Variants in KCNN3 observed in about 807,000 individuals in gnomAD.
KCNN3 encodes the protein small conductance calcium-activated potassium channel protein 3.
A neutral mutation model predicts 62.9 loss-of-function variants in KCNN3; 16 were observed. The ratio of observed to expected loss-of-function variants is 0.25; its 90% CI spans 0.17 to 0.39. The LOEUF (loss-of-function observed/expected upper bound fraction) is 0.39, where lower values mean the gene tolerates loss of function less well. Among genes scored for constraint, KCNN3 ranks in the 10% least tolerant of loss-of-function variants. The pLI, the probability that KCNN3 is intolerant of heterozygous loss-of-function variation, is 1.00. For synonymous variants in KCNN3, 370 were observed against 389.2 expected, an observed-to-expected ratio of 0.95 and a Z score of 0.58; for missense variants, 599 against 949.4, an observed-to-expected ratio of 0.63 and a Z score of 4.85.
Position 154,826,050 on chromosome 1 carries a change from AAAAAACAAAAAC to A in KCNN3, c.934-3878_934-3867del, listed in dbSNP as rs554590439. 6.4e-4 allele frequency among the ~76,000 whole-genome samples: 45 copies of A among 70,082 alleles called. 2 individuals carry two copies. Among genetic ancestry groups the A allele is most frequent in the South Asian group, 1.5e-3 (3 of 1,994 alleles). The allele number at this position is 70,082 out of a possible 152,430, so 46.0% of individuals were successfully genotyped here. On this transcript the variant is annotated intron_variant, in intron 1 of 7. Transcript: ENST00000271915. The stretch of plus-strand genomic sequence containing the variant: ...GTGAAGAGCGAGACTCCATCTTAAA[AAAAAACAAAAAC>A]AAAAACAAAAACAAAAACAAAAACA...
chr1:154,863,438 A>G (rs574412186), intron 1 of KCNN3, among the ~76,000 whole-genome samples: 30 of 152,206 alleles, frequency 2.0e-4, no homozygotes, highest in South Asian at 1.0e-3. Flanking sequence ...CTACAAATGA[A>G]TGTGCTGGCC....
At chr1:154,839,286 T>C (rs1219129497) in intron 1 of KCNN3, among the ~76,000 whole-genome samples, 1 of 152,126 alleles carries the variant, frequency 6.6e-6, no homozygotes, top group Non-Finnish European at 1.5e-5. Context: ...GCTCCAAGGC[T>C]CTGCGTACCT....
intron 2 of KCNN3, among the ~76,000 whole-genome samples, chr1:154,780,575 T>C (rs1231534219): frequency 3.6e-5 from 3 of 83,420 alleles, no homozygotes; most frequent in Admixed American, 2.6e-4. Flanking sequence ...AGATATATTA[T>C]TTATATATAT....
intron 3 of KCNN3, among the ~76,000 whole-genome samples, chr1:154,750,044 G>GC (rs1382187115): frequency 6.6e-6 from 1 of 152,166 alleles, no homozygotes; most frequent in Non-Finnish European, 1.5e-5. Context: ...GGCTGGTCCG[G>GC]CCCCAACTGC....
chr1:154,714,796 C>T, intron 6 of KCNN3, 80 bp downstream of exon 6: 1 of 1,579,964 alleles, frequency 6.3e-7, no homozygotes, highest in Non-Finnish European at 8.7e-7. Flanking sequence ...TGGATTTCTT[C>T]TGTGCTACTG....
At chr1:154,786,244 CTG>C (rs1260746973) in intron 2 of KCNN3, among the ~76,000 whole-genome samples, 1 of 152,194 alleles carries the variant, frequency 6.6e-6, no homozygotes, top group Non-Finnish European at 1.5e-5. Context: ...ATCAATGTGA[CTG>C]TAAAGAAATA....
chr1:154,790,323 G>A (rs1359437870), intron 2 of KCNN3, among the ~76,000 whole-genome samples: 1 of 151,998 alleles, frequency 6.6e-6, no homozygotes, highest in Non-Finnish European at 1.5e-5. Flanking sequence ...CTTATGATGG[G>A]TCACGTCCTG....
rs972959318 is a variant in KCNN3 at position 154,703,601 on chromosome 1, A to T, written c.*4375T>A. ...ACAGTATCTCAGTTGTGGTACTGTGATGGGAGCAACACCGTTTGTCCTGGG... is the reference window on the plus strand; with the variant it reads ...ACAGTATCTCAGTTGTGGTACTGTGTTGGGAGCAACACCGTTTGTCCTGGG... On this transcript the variant is annotated 3_prime_UTR_variant, in exon 8 of 8. Coordinates refer to ENST00000271915, the MANE Select transcript of KCNN3 (RefSeq NM_002249.6). 6.6e-6 allele frequency: 1 copy of T among 152,218 alleles called. No homozygotes were observed. The highest frequency in any genetic ancestry group is 6.5e-5 in the Admixed American group (1 of 15,284). The allele number at this position is 152,218 out of a possible 1,614,324, so 9.4% of individuals were successfully genotyped here.
In KCNN3 at chr1:154,778,611, CTTTTTTTTTTT is replaced by C. The variant is rs11459390; in HGVS notation, c.1030-6229_1030-6219del. 9.8e-4 allele frequency among the ~76,000 whole-genome samples: 72 copies of C among 73,642 alleles called. No homozygotes were observed. The South Asian group carries it at 0.041, about 41-fold the overall frequency. 48.3% of individuals were successfully genotyped at this position (73,642 alleles called of 152,430 possible). A position where few individuals can be genotyped will look rare whatever the true frequency, so the allele number is the denominator to read the frequency against. ...TTTCTCTCTCCCTCTCTCTCTGTCT[CTTTTTTTTTTT>C]TTTTTTTTTTTTTTGAGACAGAGTT... On this transcript the variant is annotated intron_variant, in intron 2 of 7. Coordinates refer to ENST00000271915, the MANE Select transcript of KCNN3 (RefSeq NM_002249.6).
intron 3 of KCNN3, among the ~76,000 whole-genome samples, chr1:154,770,426 G>A (rs768944281): frequency 3.3e-5 from 5 of 152,214 alleles, no homozygotes; most frequent in Admixed American, 6.5e-5. Flanking sequence ...GGTGTGTTGA[G>A]GCTAACTCCT....
In KCNN3 at chr1:154,749,895, A is replaced by T. The variant is rs532110143; in HGVS notation, c.1449-16751T>A. On this transcript the variant is annotated intron_variant, in intron 3 of 7. Coordinates refer to ENST00000271915, the MANE Select transcript of KCNN3 (RefSeq NM_002249.6). ...CTCCCGGACCACAAGCAGCCTGCCCAGGGAGTGCAGCTGTCCCTGACCTCT... is the reference window on the plus strand; with the variant it reads ...CTCCCGGACCACAAGCAGCCTGCCCTGGGAGTGCAGCTGTCCCTGACCTCT... Among the ~76,000 whole-genome samples the T allele has an allele frequency of 3.3e-5, 5 of 152,230 alleles. No individual in the cohort carries two copies. The South Asian group carries it at 1.0e-3, about 32-fold the overall frequency.
intron 3 of KCNN3, among the ~76,000 whole-genome samples, chr1:154,738,759 C>T (rs1700766324): frequency 1.3e-5 from 2 of 152,194 alleles, no homozygotes; most frequent in South Asian, 2.1e-4. Flanking sequence ...GCATTAATGA[C>T]GAATACATAG....
At chr1:154,750,070 C>T (rs34356371) in intron 3 of KCNN3, among the ~76,000 whole-genome samples, 1 of 152,230 alleles carries the variant, frequency 6.6e-6, no homozygotes, top group South Asian at 2.1e-4. Flanking sequence ...GCCAAGTCAC[C>T]TGAGCCTTGG....
At chr1:154,741,852 G>C (rs1187429683) in intron 3 of KCNN3, among the ~76,000 whole-genome samples, 8 of 152,230 alleles carry the variant, frequency 5.3e-5, no homozygotes, top group Non-Finnish European at 8.8e-5. Context: ...CAGCCAAATG[G>C]ACTGCTTCGT....
At chr1:154,764,534 G>T (rs202059719) in intron 3 of KCNN3, among the ~76,000 whole-genome samples, 9 of 152,064 alleles carry the variant, frequency 5.9e-5, no homozygotes, top group East Asian at 3.8e-4. Flanking sequence ...TTTGCCTGTG[G>T]TTCCTTTAGG....
At chr1:154,817,280 C>A (rs1438109766) in intron 2 of KCNN3, among the ~76,000 whole-genome samples, 1 of 152,206 alleles carries the variant, frequency 6.6e-6, no homozygotes, top group Admixed American at 6.5e-5. Flanking sequence ...AGCAGTAAGA[C>A]AAGATGGTGG....
chr1:154,864,213 G>A (rs904341084), intron 1 of KCNN3, among the ~76,000 whole-genome samples: 1 of 152,222 alleles, frequency 6.6e-6, no homozygotes, highest in Non-Finnish European at 1.5e-5. Flanking sequence ...GAAAGGGCTG[G>A]AAAGGGTCTA....
At position 154,862,244 on chromosome 1, in the gene KCNN3, G is replaced by T. The variant is rs1286080041; in HGVS notation, c.933+6788C>A. Among the ~76,000 whole-genome samples, 1 of 152,158 alleles carries T rather than the reference G, an allele frequency of 6.6e-6. No individual in the cohort carries two copies. The highest frequency in any genetic ancestry group is 1.5e-5 in the Non-Finnish European group (1 of 68,030). Reference sequence around the variant, plus strand: ...GGCACTCAACCCTGGGAACCCCTGTGCAGCCGAGTTTTCTCATCCCTGAGA... The same window carrying T: ...GGCACTCAACCCTGGGAACCCCTGTTCAGCCGAGTTTTCTCATCCCTGAGA... On this transcript the variant is annotated intron_variant, in intron 1 of 7. Coordinates refer to ENST00000271915, the MANE Select transcript of KCNN3 (RefSeq NM_002249.6). This position sits in a 1 kb window ranked among gnomAD's most constrained non-coding sequence, Gnocchi z 4.1.
intron 2 of KCNN3, among the ~76,000 whole-genome samples, chr1:154,813,660 A>G (rs1035480587): frequency 6.6e-6 from 1 of 152,128 alleles, no homozygotes; most frequent in East Asian, 1.9e-4. Context: ...GCTGACGGGG[A>G]GGTCAAGCCT....
Sources: allele counts gnomAD v4.1 joint callset (sites outside exome capture counted in the v4.1 genomes callset), GRCh38; gene constraint gnomAD v4.1.1; non-coding constraint Gnocchi (gnomAD v3.1); transcripts MANE v1.5; gene names NCBI Gene and HGNC (gene_info 2026-07-23, HGNC 2026-07-21).